The following ATP8B1 variants were observed in gnomAD, a reference collection of about 807,000 sequenced individuals.
ATP8B1 encodes phospholipid-transporting ATPase IC.
In ATP8B1, 80 loss-of-function variants were observed where a neutral mutation model predicts 149.9. The observed-to-expected ratio is 0.53, with a 90% CI of 0.45 to 0.64. The LOEUF is 0.64. Among genes scored for constraint, ATP8B1 ranks in the 30% least tolerant of loss-of-function variants. ATP8B1 has a pLI of 0.00. For synonymous variants in ATP8B1, 536 were observed against 562.8 expected (o/e 0.95, Z 0.67); for missense variants, 1,247 against 1,552.6 (o/e 0.80, Z 3.31).
intron 22 of ATP8B1, among the ~76,000 whole-genome samples, chr18:57,657,045 G>T (rs896615182): frequency 6.6e-6 from 1 of 151,948 alleles, no homozygotes; most frequent in South Asian, 2.1e-4. Flanking sequence ...TTTGTTACAT[G>T]GGTATACGTG....
At chr18:57,668,164 C>G in intron 19 of ATP8B1, 1 of 1,397,210 alleles carries the variant, frequency 7.2e-7, no homozygotes, top group East Asian at 3.6e-5. Context: ...CCACGTCTGG[C>G]TGGAGAGATA....
chr18:57,767,103 T>G (rs2123356141), intron 1 of ATP8B1, among the ~76,000 whole-genome samples: 1 of 152,276 alleles, frequency 6.6e-6, no homozygotes, highest in African/African-American at 2.4e-5. Context: ...AAAAGGACGT[T>G]GGAATCCTAC....
intron 1 of ATP8B1, among the ~76,000 whole-genome samples, chr18:57,748,506 T>C (rs1164069461): frequency 6.6e-6 from 1 of 152,226 alleles, no homozygotes; most frequent in Non-Finnish European, 1.5e-5. Context: ...TAAGCTGCTC[T>C]GTGTGTGGTA....
chr18:57,679,350 A>G (rs1001251876), intron 15 of ATP8B1, among the ~76,000 whole-genome samples: 3 of 152,196 alleles, frequency 2.0e-5, no homozygotes, highest in Admixed American at 6.5e-5. Context: ...CCATGTAACA[A>G]ACATGCACAT....
intron 2 of ATP8B1, among the ~76,000 whole-genome samples, chr18:57,712,565 AGGCAGTGTAG>A (rs1913740412): frequency 6.6e-6 from 1 of 152,124 alleles, no homozygotes; most frequent in South Asian, 2.1e-4. Flanking sequence ...TAAAATTGAA[AGGCAGTGTAG>A]GCCCCATGAA....
intron 16 of ATP8B1, among the ~76,000 whole-genome samples, chr18:57,673,640 G>T (rs1911403809): frequency 6.6e-6 from 1 of 150,474 alleles, no homozygotes; most frequent in African/African-American, 2.4e-5. Flanking sequence ...ATATATATAG[G>T]TATATATAAT....
chr18:57,666,551 A>G (rs1356268720), intron 20 of ATP8B1, among the ~76,000 whole-genome samples: 1 of 130,648 alleles, frequency 7.7e-6, no homozygotes, highest in African/African-American at 2.9e-5. Flanking sequence ...TTTTTTTTTA[A>G]TGAGACAGAG....
intron 1 of ATP8B1, among the ~76,000 whole-genome samples, chr18:57,741,842 C>T (rs561903891): frequency 1.3e-3 from 202 of 152,220 alleles, no homozygotes; most frequent in Non-Finnish European, 2.4e-3. Flanking sequence ...AGACACATGC[C>T]ACACCCTGTT....
At chr18:57,711,885 C>G (rs1402494611) in intron 2 of ATP8B1, among the ~76,000 whole-genome samples, 2 of 152,128 alleles carry the variant, frequency 1.3e-5, no homozygotes, top group Non-Finnish European at 2.9e-5. Context: ...CCACCGTGCC[C>G]AGACCAGCAG....
chr18:57,743,264 C>T (rs189370917), intron 1 of ATP8B1, among the ~76,000 whole-genome samples: 42 of 152,072 alleles, frequency 2.8e-4, no homozygotes, highest in African/African-American at 1.4e-4. Context: ...GTGAACGCAT[C>T]GTAGATTCAG....
chr18:57,662,382 G>C, intron 21 of ATP8B1, 101 bp downstream of exon 21: 2 of 1,435,890 alleles, frequency 1.4e-6, no homozygotes, highest in Non-Finnish European at 1.9e-6. Flanking sequence ...TAGGCTAAGA[G>C]ACTTTTAGGT....
intron 27 of ATP8B1, among the ~76,000 whole-genome samples, chr18:57,649,600 C>A (rs569239059): frequency 1.3e-5 from 2 of 152,224 alleles, no homozygotes; most frequent in South Asian, 2.1e-4. Context: ...GATTGCCCCC[C>A]CCAACCCCTC....
chr18:57,671,181 C>T (rs1456279235), intron 17 of ATP8B1, among the ~76,000 whole-genome samples: 1 of 152,176 alleles, frequency 6.6e-6, no homozygotes, highest in Non-Finnish European at 1.5e-5. Flanking sequence ...ATGTAGCTTG[C>T]TCAAGGCCAC....
At chr18:57,756,291 G>GTATATATATATACATATATATA (rs1250184376) in intron 1 of ATP8B1, among the ~76,000 whole-genome samples, 7 of 27,182 alleles carry the variant, frequency 2.6e-4, no homozygotes, top group South Asian at 1.5e-3. Flanking sequence ...ATATATATGT[G>GTATATATATATACATATATATA]TGTGTGTATG....
intron 1 of ATP8B1, among the ~76,000 whole-genome samples, chr18:57,765,442 G>A (rs772555008): frequency 5.9e-5 from 9 of 152,122 alleles, no homozygotes; most frequent in Non-Finnish European, 1.3e-4. Context: ...GGTCAAGGCA[G>A]GCGGATCACA....
In ATP8B1 at chr18:57,720,460, A is replaced by G. The variant is rs1438025151; in HGVS notation, c.181+11167T>C. ...ACTACGTGAAGAATGCAGAAGCCTCAGGAGCCGATGCGATCAACTGGAAGA... is the reference window on the plus strand; with the variant it reads ...ACTACGTGAAGAATGCAGAAGCCTCGGGAGCCGATGCGATCAACTGGAAGA... On this transcript the variant is annotated intron_variant, in intron 2 of 27. Coordinates refer to ENST00000648908, the MANE Select transcript of ATP8B1 (RefSeq NM_001374385.1). 4.1e-3 allele frequency among the ~76,000 whole-genome samples: 341 copies of G among 83,466 alleles called. 1 individual carries two copies. The highest frequency in any genetic ancestry group is 0.023 in the Middle Eastern group (5 of 222). The allele number at this position is 83,466 out of a possible 152,430, so 54.8% of individuals were successfully genotyped here. A position where few individuals can be genotyped will look rare whatever the true frequency, so the allele number is the denominator to read the frequency against.
chr18:57,691,985 GAAC>G lies in ATP8B1; in HGVS notation c.1039_1041del (p.Val347del). ...GCAAGACCAGCAGAAAGCAGAATAA[GAAC>G]AACAAAGATCTAGAAGACAGAAAAC... is the stretch of plus-strand genomic sequence containing the variant. On this transcript the variant is annotated inframe_deletion, in exon 12 of 28. Transcript: ENST00000648908. 1.9e-6 allele frequency: 3 copies of G among 1,613,148 alleles called. No individual in the cohort carries two copies. Among genetic ancestry groups the G allele is most frequent in the Non-Finnish European group, 1.7e-6 (2 of 1,179,628 alleles).
intron 1 of ATP8B1, among the ~76,000 whole-genome samples, chr18:57,747,468 A>G (rs545041090): frequency 0.013 from 1,965 of 151,592 alleles, 52 homozygotes; most frequent in African/African-American, 0.044. Flanking sequence ...AAAAAAAAAA[A>G]AGAGAAAGAA....
In ATP8B1 at chr18:57,692,425, A is replaced by ATTT. The variant is rs10547283; in HGVS notation, c.1030-431_1030-429dup. Among the ~76,000 whole-genome samples, 104 of 57,064 alleles carry ATTT rather than the reference A, an allele frequency of 1.8e-3. 7 individuals are homozygous for ATTT. The highest frequency in any genetic ancestry group is 6.2e-3 in the African/African-American group (92 of 14,860). The allele number at this position is 57,064 out of a possible 152,430, so 37.4% of individuals were successfully genotyped here. Reference sequence around the variant, plus strand: ...AATGCTTATAGAAGATATTCAACAGATTTTTTTTTTTTTTTTTTTTTTTTT... The same window carrying ATTT: ...AATGCTTATAGAAGATATTCAACAGATTTTTTTTTTTTTTTTTTTTTTTTTTTT... On this transcript the variant is annotated intron_variant, in intron 11 of 27. Transcript: ENST00000648908.
Sources: allele counts gnomAD v4.1 joint callset (sites outside exome capture counted in the v4.1 genomes callset), GRCh38; gene constraint gnomAD v4.1.1; transcripts MANE v1.5; gene names NCBI Gene and HGNC (gene_info 2026-07-23, HGNC 2026-07-21).